The following EHMT1 variants were observed in gnomAD, a reference collection of about 807,000 sequenced individuals.
The protein encoded by EHMT1 is histone-lysine N-methyltransferase EHMT1.
In EHMT1, 15 loss-of-function variants were observed where a neutral mutation model predicts 147.2. The observed-to-expected ratio is 0.10, with a 90% CI of 0.07 to 0.16. EHMT1 has a LOEUF of 0.16. Ranked by LOEUF, EHMT1 falls within the 10% of genes least tolerant of loss-of-function variation. EHMT1 has a pLI of 1.00. For synonymous variants in EHMT1, 795 were observed against 709.6 expected (o/e 1.12, Z -1.91); for missense variants, 1,587 against 1,772.4 (o/e 0.90, Z 1.88).
intron 2 of EHMT1, chr9:137,715,727 T>G (rs974968529): frequency 1.0e-6 from 1 of 985,264 alleles, no homozygotes; most frequent in Admixed American, 6.2e-5. Flanking sequence ...TGAGCCTCTG[T>G]AGGGAGTGGA....
At chr9:137,804,369 A>C (rs1209498517) in intron 18 of EHMT1, among the ~76,000 whole-genome samples, 1 of 152,174 alleles carries the variant, frequency 6.6e-6, no homozygotes, top group Non-Finnish European at 1.5e-5. Flanking sequence ...TCATTTCTCT[A>C]ATGACAGTTG....
intron 16 of EHMT1, among the ~76,000 whole-genome samples, chr9:137,798,248 G>A (rs895197655): frequency 3.9e-5 from 6 of 152,110 alleles, no homozygotes; most frequent in Non-Finnish European, 7.4e-5. Context: ...AAAGAAAAAA[G>A]TACATTAGCC....
At chr9:137,815,504 G>T (rs542894413) in intron 22 of EHMT1, 8 of 285,204 alleles carry the variant, frequency 2.8e-5, no homozygotes, top group Middle Eastern at 1.3e-3. Context: ...CCTGGCTTCA[G>T]GGGGGTAGAA....
intron 1 of EHMT1, among the ~76,000 whole-genome samples, chr9:137,684,855 T>A (rs1435108290): frequency 2.0e-5 from 3 of 152,236 alleles, no homozygotes; most frequent in Non-Finnish European, 2.9e-5. Flanking sequence ...TATATGTATG[T>A]TTAAAATATA....
intron 9 of EHMT1, among the ~76,000 whole-genome samples, chr9:137,760,309 C>A (rs1405639900): frequency 6.6e-6 from 1 of 152,188 alleles, no homozygotes; most frequent in Admixed American, 6.5e-5. Flanking sequence ...ACCTATCTCA[C>A]TGCAGCCTCT....
intron 16 of EHMT1, among the ~76,000 whole-genome samples, chr9:137,797,824 GAGCAA>G (rs1426602668): frequency 1.3e-5 from 2 of 152,098 alleles, no homozygotes; most frequent in African/African-American, 2.4e-5. Flanking sequence ...AGGAACAGGG[GAGCAA>G]AGCAAAGCAA....
intron 3 of EHMT1, among the ~76,000 whole-genome samples, chr9:137,722,951 A>T (rs1264406551): frequency 5.2e-5 from 4 of 76,498 alleles, no homozygotes; most frequent in African/African-American, 1.3e-4. Context: ...TCTGGGCCTG[A>T]GCCGGGGGTG....
intron 12 of EHMT1, 30 bp from the exon 13 acceptor site, chr9:137,777,852 T>A: frequency 6.2e-7 from 1 of 1,611,044 alleles, no homozygotes. Flanking sequence ...CGTGTTTTCA[T>A]AAACCTTTCC....
At chr9:137,676,019 C>A (rs1471540965) in intron 1 of EHMT1, 1 of 151,314 alleles carries the variant, frequency 6.6e-6, no homozygotes, top group South Asian at 2.1e-4. Context: ...CTCCTGACCT[C>A]GTGATCCGCC....
rs1950887184 is a variant in EHMT1 at position 137,775,448 on chromosome 9, C to A, written c.1791+196C>A. ...AGCCCCAGTGCCTTAGACACCTTCA[C>A]CCCCAACCCCCATTTCCCTCCTACC... On this transcript the variant is annotated intron_variant, in intron 11 of 26. Coordinates refer to ENST00000460843, the MANE Select transcript of EHMT1 (RefSeq NM_024757.5). The surrounding 1 kb of genome is among the most constrained non-coding windows in gnomAD (Gnocchi z 6.1). Among the ~76,000 whole-genome samples, 2 of 151,842 alleles carry A rather than the reference C, an allele frequency of 1.3e-5. No homozygotes were observed. The highest frequency in any genetic ancestry group is 2.1e-4 in the South Asian group (1 of 4,766).
chr9:137,780,562 ACTGAGATGTGTGGTGATGACG>A, intron 14 of EHMT1, among the ~76,000 whole-genome samples: 1 of 95,772 alleles, frequency 1.0e-5, no homozygotes, highest in South Asian at 3.8e-4. Flanking sequence ...TGATGGCATC[ACTGAGATGTGTGGTGATGACG>A]CTGGGATGTG....
chr9:137,724,149 G>A lies in EHMT1; in HGVS notation c.643-4200G>A, dbSNP rs534858157. ...CCTCACCTCCTGGTACCCACTCTAGGCTCTAGTTGCTGGGAGAGAGGTGGT... is the reference window on the plus strand; with the variant it reads ...CCTCACCTCCTGGTACCCACTCTAGACTCTAGTTGCTGGGAGAGAGGTGGT... On this transcript the variant is annotated intron_variant, in intron 3 of 26. Transcript: ENST00000460843. Among the ~76,000 whole-genome samples the A allele has an allele frequency of 1.3e-4, 20 of 152,334 alleles. No individual in the cohort carries two copies. In the East Asian group the frequency reaches 2.9e-3, roughly 22 times the overall value.
At chr9:137,795,296 C>G (rs1952813429) in intron 16 of EHMT1, 1 of 151,918 alleles carries the variant, frequency 6.6e-6, no homozygotes, top group African/African-American at 2.4e-5. Context: ...AAATATTTAC[C>G]CAGTTATTCC....
chr9:137,716,932 C>G lies in EHMT1; in HGVS notation c.392C>G (p.Ala131Gly). 2 of 1,612,950 alleles carry G rather than the reference C, an allele frequency of 1.2e-6. No homozygotes were observed. The highest frequency in any genetic ancestry group is 1.7e-6 in the Non-Finnish European group (2 of 1,179,852). Residue 131 changes from alanine (A) to glycine (G), a missense_variant, in exon 3 of 27, where the codon GCC becomes GGC. Physicochemically the swap from Ala to Gly is moderately conservative, Grantham distance 60. Around this residue, in one of 7 missense-constraint regions of EHMT1, gnomAD observed 810 missense variants for 673.0 expected, o/e 1.20. Transcript: ENST00000460843. ...AACGGATACATCTTAAATAAGCCGG[C>G]CCTACAGGCACAGCCCTTGAGGACT... ...GSNGYILNKP[A>G]LQAQPLRTTS...
chr9:137,783,685 GGACCT>G (rs1951738084), intron 15 of EHMT1, among the ~76,000 whole-genome samples: 1 of 152,118 alleles, frequency 6.6e-6, no homozygotes, highest in Admixed American at 6.5e-5. Flanking sequence ...TGTCTGGGAA[GGACCT>G]GTCTTCTCGG....
chr9:137,813,833 C>T lies in EHMT1; in HGVS notation c.3180+303C>T, dbSNP rs558412907. Among the ~76,000 whole-genome samples the T allele has an allele frequency of 2.6e-5, 4 of 152,272 alleles. No homozygotes were observed. Among genetic ancestry groups the T allele is most frequent in the South Asian group, 2.1e-4 (1 of 4,824 alleles). ...ACACTCAGGGGCCCCGGTGTGGCTT[C>T]GTGCTGGGGGCACAGGCGAGAGGAG... is the stretch of plus-strand genomic sequence containing the variant. On this transcript the variant is annotated intron_variant, in intron 21 of 26. Transcript: ENST00000460843. This position sits in a 1 kb window ranked among gnomAD's most constrained non-coding sequence, Gnocchi z 4.9.
intron 18 of EHMT1, among the ~76,000 whole-genome samples, chr9:137,806,175 G>A (rs1953933263): frequency 6.6e-6 from 1 of 151,574 alleles, no homozygotes; most frequent in Non-Finnish European, 1.5e-5. Context: ...TGGCTAGGCT[G>A]GTTTCAAACT....
rs763206030 is a variant in EHMT1, at chr9:137,814,597, G to A, written c.3258+89G>A. The A allele has an allele frequency of 4.9e-5, 72 of 1,461,984 alleles. 1 individual carries two copies. Among genetic ancestry groups the A allele is most frequent in the African/African-American group, 8.3e-5 (6 of 72,218 alleles). 90.6% of individuals were successfully genotyped at this position (1,461,984 alleles called of 1,614,324 possible). On this transcript the variant is annotated intron_variant, in intron 22 of 26. Coordinates refer to ENST00000460843, the MANE Select transcript of EHMT1 (RefSeq NM_024757.5). ...CAGTGCAGGCGTCTGTGACCCCAGC[G>A]CTGTCGTGGCAGCGTCGGGAAGGAG... is the stretch of plus-strand genomic sequence containing the variant.
At chr9:137,637,235 G>T (rs573188760) in intron 1 of EHMT1, among the ~76,000 whole-genome samples, 1 of 152,028 alleles carries the variant, frequency 6.6e-6, no homozygotes, top group South Asian at 2.1e-4. Flanking sequence ...GAGTGCAGTG[G>T]TGCAATCTTG....
Sources: allele counts gnomAD v4.1 joint callset (sites outside exome capture counted in the v4.1 genomes callset), GRCh38; gene constraint gnomAD v4.1.1; regional missense constraint gnomAD v4.1.1; non-coding constraint Gnocchi (gnomAD v3.1); transcripts MANE v1.5; gene names NCBI Gene and HGNC (gene_info 2026-07-23, HGNC 2026-07-21).